BMPR2: variants seen among roughly 807,000 people sequenced by gnomAD.
BMPR2 encodes the protein bone morphogenetic protein receptor type-2.
Under a neutral mutation model 100.8 loss-of-function variants are expected in BMPR2, and 29 were observed. That is an observed-to-expected ratio of 0.29 (90% CI 0.21 to 0.39). The LOEUF is 0.39. BMPR2 is among the 10% of genes least tolerant of loss of function. The probability of loss-of-function intolerance (pLI) is 1.00; values close to 1 mark genes in which losing one functional copy is unlikely to be tolerated. For missense variants in BMPR2, 1,011 were observed against 1,274.5 expected, an observed-to-expected ratio of 0.79 and a Z score of 3.15; for synonymous variants, 382 against 442.3, an observed-to-expected ratio of 0.86 and a Z score of 1.71.
At chr2:202,481,606 A>G (rs975628364) in intron 3 of BMPR2, among the ~76,000 whole-genome samples, 1 of 152,228 alleles carries the variant, frequency 6.6e-6, no homozygotes, top group Non-Finnish European at 1.5e-5. Flanking sequence ...GAGTATTGCT[A>G]TATTAACAAT....
intron 1 of BMPR2, among the ~76,000 whole-genome samples, chr2:202,421,849 A>C (rs1283046464): frequency 6.6e-6 from 1 of 152,166 alleles, no homozygotes; most frequent in African/African-American, 2.4e-5. Context: ...AGGAGTACTC[A>C]AGAAATTGAT....
chr2:202,562,485 G>A lies in BMPR2; in HGVS notation c.*2539G>A, dbSNP rs1336100139. Reference sequence around the variant, plus strand: ...ATTGTACATCAGACTTTTAAAATCTGTAATATACAAGCAAGCAAAATTATT... The same window carrying A: ...ATTGTACATCAGACTTTTAAAATCTATAATATACAAGCAAGCAAAATTATT... On this transcript the variant is annotated 3_prime_UTR_variant, in exon 13 of 13. Transcript: ENST00000374580. The A allele has an allele frequency of 6.6e-6, 1 of 152,462 alleles. No homozygotes were observed. The highest frequency in any genetic ancestry group is 2.4e-5 in the African/African-American group (1 of 41,394). The allele number at this position is 152,462 out of a possible 1,614,324, so 9.4% of individuals were successfully genotyped here.
chr2:202,486,715 A>G (rs1010030956), intron 3 of BMPR2, among the ~76,000 whole-genome samples: 4 of 152,180 alleles, frequency 2.6e-5, no homozygotes, highest in African/African-American at 9.6e-5. Flanking sequence ...AATTATATGG[A>G]CCATTCTACT....
At chr2:202,396,639 A>T (rs1464292376) in intron 1 of BMPR2, among the ~76,000 whole-genome samples, 7 of 152,180 alleles carry the variant, frequency 4.6e-5, no homozygotes, top group Admixed American at 3.9e-4. Flanking sequence ...TCATAAAGAG[A>T]TATATGAAAA....
chr2:202,456,063 C>CAAAAAAAAAAAAAAA (rs750470872), intron 1 of BMPR2, among the ~76,000 whole-genome samples: 1 of 36,754 alleles, frequency 2.7e-5, no homozygotes, highest in Non-Finnish European at 4.8e-5. Flanking sequence ...AGACCCGTCT[C>CAAAAAAAAAAAAAAA]AAAAAAAAAA....
At chr2:202,414,264 A>G (rs1487849272) in intron 1 of BMPR2, among the ~76,000 whole-genome samples, 1 of 152,310 alleles carries the variant, frequency 6.6e-6, no homozygotes, top group African/African-American at 2.4e-5. Flanking sequence ...GGCACCAGGA[A>G]CCACACCCAT....
In BMPR2 at chr2:202,552,668, A is replaced by AT. The variant is rs539397286; in HGVS notation, c.1414-37dup. On this transcript the variant is annotated intron_variant, in intron 10 of 12. Coordinates refer to ENST00000374580, the MANE Select transcript of BMPR2 (RefSeq NM_001204.7). ...TGTGGTAAACTGAAAAGCTCAATACATTTTTTTTTTTAAAGACACATGGTT... is the reference window on the plus strand; with the variant it reads ...TGTGGTAAACTGAAAAGCTCAATACATTTTTTTTTTTTAAAGACACATGGTT... 14,338 of 1,139,756 alleles carry AT rather than the reference A, an allele frequency of 0.013. 4 individuals are homozygous for AT. The highest frequency in any genetic ancestry group is 0.019 in the African/African-American group (1,219 of 63,864). 70.6% of individuals were successfully genotyped at this position (1,139,756 alleles called of 1,614,324 possible).
At chr2:202,468,617 G>T (rs1692371966) in intron 3 of BMPR2, among the ~76,000 whole-genome samples, 1 of 152,184 alleles carries the variant, frequency 6.6e-6, no homozygotes, top group South Asian at 2.1e-4. Context: ...AATATACATA[G>T]ACATTGAGTT....
At chr2:202,485,264 G>T (rs1692749366) in intron 3 of BMPR2, among the ~76,000 whole-genome samples, 3 of 151,836 alleles carry the variant, frequency 2.0e-5, no homozygotes, top group African/African-American at 7.3e-5. Context: ...TTTTTGTAGG[G>T]TTGCCATAAT....
chr2:202,413,642 A>G (rs1231863138), intron 1 of BMPR2, among the ~76,000 whole-genome samples: 1 of 151,792 alleles, frequency 6.6e-6, no homozygotes, highest in Non-Finnish European at 1.5e-5. Context: ...ATTGTTCATT[A>G]TATATTAAAA....
At chr2:202,502,110 T>G (rs944189401) in intron 3 of BMPR2, among the ~76,000 whole-genome samples, 7 of 152,342 alleles carry the variant, frequency 4.6e-5, no homozygotes, top group African/African-American at 1.7e-4. Context: ...GGAAAAAGAA[T>G]AAATGTGTAT....
At chr2:202,497,687 A>C (rs1246649481) in intron 3 of BMPR2, among the ~76,000 whole-genome samples, 4 of 152,176 alleles carry the variant, frequency 2.6e-5, no homozygotes, top group Non-Finnish European at 5.9e-5. Flanking sequence ...TATCGTATCT[A>C]TCCTGACCCT....
intron 3 of BMPR2, among the ~76,000 whole-genome samples, chr2:202,468,045 GAA>G (rs1231148438): frequency 6.7e-6 from 1 of 149,138 alleles, no homozygotes; most frequent in Non-Finnish European, 1.5e-5. Flanking sequence ...GAACCTAAAA[GAA>G]AAAAAAAATT....
rs534194366 is a variant in BMPR2 at position 202,487,365 on chromosome 2, A to C, written c.418+19676A>C. ...GAATTCTGTATAATGAATCAGATTCATACATCAGAGTTAATACTAACAAGA... is the reference window on the plus strand; with the variant it reads ...GAATTCTGTATAATGAATCAGATTCCTACATCAGAGTTAATACTAACAAGA... On this transcript the variant is annotated intron_variant, in intron 3 of 12. Coordinates refer to ENST00000374580, the MANE Select transcript of BMPR2 (RefSeq NM_001204.7). Among the ~76,000 whole-genome samples, 91 of 152,348 alleles carry C rather than the reference A, an allele frequency of 6.0e-4. 1 individual carries two copies. The highest frequency in any genetic ancestry group is 2.0e-3 in the African/African-American group (83 of 41,584).
intron 1 of BMPR2, among the ~76,000 whole-genome samples, chr2:202,456,901 TAC>T (rs1692120049): frequency 6.6e-6 from 1 of 152,198 alleles, no homozygotes; most frequent in Non-Finnish European, 1.5e-5. Flanking sequence ...CTATACAGTA[TAC>T]ATGGCTTCAT....
chr2:202,485,543 A>ATTTTTTTTTT (rs1574472655), intron 3 of BMPR2, among the ~76,000 whole-genome samples: 3 of 14,052 alleles, frequency 2.1e-4, no homozygotes, highest in Non-Finnish European at 5.6e-4. Flanking sequence ...CTTTGCCTTT[A>ATTTTTTTTTT]TCTTTTTTTT....
chr2:202,454,068 T>A (rs961324087), intron 1 of BMPR2, among the ~76,000 whole-genome samples: 22 of 152,062 alleles, frequency 1.4e-4, no homozygotes, highest in Non-Finnish European at 1.5e-4. Flanking sequence ...AGTAAAAAAA[T>A]TTATTTTTAA....
chr2:202,519,047 C>T lies in BMPR2; in HGVS notation c.847C>T (p.Pro283Ser), dbSNP rs778841768. The change falls in exon 6 of 13, where the codon CCC (proline) becomes TCC (serine). Residue 283 changes from proline (P) to serine (S), a missense_variant. Pro to Ser is a moderately conservative substitution (Grantham distance 74, BLOSUM62 -1). Transcript: ENST00000374580. Reference protein sequence around the residue: ...MEYLLVMEYYPNGSLCKYLSL... With the variant: ...MEYLLVMEYYSNGSLCKYLSL... ...ATATTTGCTTGTGATGGAGTACTAT[C>T]CCAATGTAAGTTCTTCATAGAAAAT... is the stretch of plus-strand genomic sequence containing the variant. The T allele has an allele frequency of 6.2e-7, 1 of 1,613,416 alleles. No homozygotes were observed.
intron 11 of BMPR2, among the ~76,000 whole-genome samples, chr2:202,553,791 C>T (rs919870540): frequency 1.6e-4 from 24 of 152,016 alleles, no homozygotes; most frequent in African/African-American, 5.8e-4. Flanking sequence ...CAGGTTTAAG[C>T]GATTCTCCTG....
Sources: allele counts gnomAD v4.1 joint callset (sites outside exome capture counted in the v4.1 genomes callset), GRCh38; gene constraint gnomAD v4.1.1; transcripts MANE v1.5; gene names NCBI Gene and HGNC (gene_info 2026-07-23, HGNC 2026-07-21).